The following NXPE2 variants were observed in gnomAD, a reference collection of about 807,000 sequenced individuals.
NXPE2 encodes the protein NXPE family member 2.
Under a neutral mutation model 34.4 loss-of-function variants are expected in NXPE2, and 34 were observed. That is an observed-to-expected ratio of 0.99 (90% CI 0.75 to 1.31). The LOEUF (loss-of-function observed/expected upper bound fraction) is 1.31, where lower values mean the gene tolerates loss of function less well. NXPE2 is among the 40% of genes most tolerant of loss of function. The probability of loss-of-function intolerance (pLI) is 0.00; values close to 1 mark genes in which losing one functional copy is unlikely to be tolerated. For synonymous variants in NXPE2, 235 were observed against 231.3 expected, an observed-to-expected ratio of 1.02 and a Z score of -0.15; for missense variants, 649 against 672.5, an observed-to-expected ratio of 0.97 and a Z score of 0.39.
At chr11:114,604,895 G>A in the NXPE2 span, among the ~76,000 whole-genome samples, 1 of 151,984 alleles carries the variant, frequency 6.6e-6, no homozygotes, top group African/African-American at 2.4e-5. Flanking sequence ...GGTAACCACT[G>A]TTACCCGGTG....
the NXPE2 span, among the ~76,000 whole-genome samples, chr11:114,729,082 A>G: frequency 6.6e-6 from 1 of 151,818 alleles, no homozygotes; most frequent in East Asian, 1.9e-4. Context: ...CTTCCTCCCT[A>G]TTCTAGTAGT....
At chr11:114,494,243 C>T in the NXPE2 span, among the ~76,000 whole-genome samples, 1 of 152,084 alleles carries the variant, frequency 6.6e-6, no homozygotes, top group Non-Finnish European at 1.5e-5. Flanking sequence ...GATATATTCC[C>T]TAGGTTTGGG....
downstream of NXPE2, chr11:114,707,522 G>A (rs1031179249): frequency 9.3e-5 from 29 of 312,214 alleles, no homozygotes; most frequent in Admixed American, 3.8e-4. Context: ...AGCCTCCCAC[G>A]TAGCTGGGAT....
rs1196799537 is a variant in NXPE2 at position 114,698,060 on chromosome 11, GA to G, written c.152del (p.Asn51ThrfsTer5). 2 of 1,513,830 alleles carry G rather than the reference GA, an allele frequency of 1.3e-6. No individual in the cohort carries two copies. Among genetic ancestry groups the G allele is most frequent in the Admixed American group, 4.4e-5 (2 of 45,356 alleles). The allele number at this position is 1,513,830 out of a possible 1,614,324, so 93.8% of individuals were successfully genotyped here. A position where few individuals can be genotyped will look rare whatever the true frequency, so the allele number is the denominator to read the frequency against. On this transcript the variant is annotated frameshift_variant, in exon 3 of 6. Transcript: ENST00000389586. LOFTEE classifies it high-confidence loss of function. Reference protein sequence around the residue: ...KDHTKFSFNLENHIILNQGNI... With the variant: ...KDHTKFSFNLXNHIILNQGNI... ...AATATTTCAGTTCTCGTTCAACTTG[GA>G]AAACCATATTATCCTGAACCAAGGG... is the stretch of plus-strand genomic sequence containing the variant.
At chr11:114,772,577 T>C in the NXPE2 span, among the ~76,000 whole-genome samples, 1 of 152,122 alleles carries the variant, frequency 6.6e-6, no homozygotes, top group Non-Finnish European at 1.5e-5. Context: ...CATGTAGGAC[T>C]CAAATAGTGA....
chr11:114,795,729 T>C, the NXPE2 span, among the ~76,000 whole-genome samples: 1 of 152,248 alleles, frequency 6.6e-6, no homozygotes, highest in Non-Finnish European at 1.5e-5. Context: ...TATCTATCTC[T>C]GGCCACCATG....
At chr11:114,723,013 A>T in the NXPE2 span, among the ~76,000 whole-genome samples, 1 of 152,238 alleles carries the variant, frequency 6.6e-6, no homozygotes, top group Non-Finnish European at 1.5e-5. Flanking sequence ...AACTATGCAT[A>T]TAAAGTTTGA....
the NXPE2 span, among the ~76,000 whole-genome samples, chr11:114,543,846 T>C: frequency 2.0e-5 from 3 of 152,282 alleles, no homozygotes; most frequent in Middle Eastern, 6.8e-3. Context: ...CCAAAGAATC[T>C]ATAGAAAATT....
At chr11:114,469,017 G>A in the NXPE2 span, among the ~76,000 whole-genome samples, 1 of 147,654 alleles carries the variant, frequency 6.8e-6, no homozygotes, top group East Asian at 2.1e-4. Context: ...AATGAAAATA[G>A]TTATAAAACT....
the NXPE2 span, among the ~76,000 whole-genome samples, chr11:114,802,911 AACG>A: frequency 1.3e-5 from 2 of 151,984 alleles, no homozygotes; most frequent in Non-Finnish European, 2.9e-5. Flanking sequence ...ATTAAAAAAA[AACG>A]GAGAATTAGG....
At chr11:114,650,015 TTC>T in the NXPE2 span, among the ~76,000 whole-genome samples, 1 of 152,214 alleles carries the variant, frequency 6.6e-6, no homozygotes. Context: ...CAATAAAGAT[TTC>T]TGTTTCTACA....
chr11:114,664,060 A>C, the NXPE2 span, among the ~76,000 whole-genome samples: 11 of 152,304 alleles, frequency 7.2e-5, no homozygotes, highest in African/African-American at 2.6e-4. Context: ...ACGTTCACAC[A>C]AAAGTTTATA....
chr11:114,600,531 A>G, the NXPE2 span, among the ~76,000 whole-genome samples: 1 of 152,116 alleles, frequency 6.6e-6, no homozygotes, highest in Non-Finnish European at 1.5e-5. Context: ...AAAATTTTGC[A>G]TAGAAAAAAA....
chr11:114,811,815 TC>T, the NXPE2 span, among the ~76,000 whole-genome samples: 1 of 152,170 alleles, frequency 6.6e-6, no homozygotes, highest in Non-Finnish European at 1.5e-5. Flanking sequence ...ATGGGTTGCA[TC>T]CTTAGCTCTG....
the NXPE2 span, among the ~76,000 whole-genome samples, chr11:114,524,892 T>C: frequency 1.3e-5 from 2 of 152,342 alleles, no homozygotes; most frequent in African/African-American, 4.8e-5. Flanking sequence ...GGATTCTGTA[T>C]ATCAGGCAAA....
chr11:114,494,807 T>C, the NXPE2 span, among the ~76,000 whole-genome samples: 1 of 152,332 alleles, frequency 6.6e-6, no homozygotes, highest in African/African-American at 2.4e-5. Flanking sequence ...TTTATTGTAG[T>C]CTTCATGGTC....
the NXPE2 span, among the ~76,000 whole-genome samples, chr11:114,538,008 C>T: frequency 6.6e-6 from 1 of 151,914 alleles, no homozygotes; most frequent in African/African-American, 2.4e-5. Flanking sequence ...TGGAGGCATC[C>T]CGCTACCTGA....
chr11:114,625,911 G>A, the NXPE2 span, among the ~76,000 whole-genome samples: 1 of 152,302 alleles, frequency 6.6e-6, no homozygotes, highest in Middle Eastern at 3.4e-3. Flanking sequence ...AGAAAGGGGT[G>A]ACAGACGGCA....
At chr11:114,559,385 T>C in the NXPE2 span, among the ~76,000 whole-genome samples, 17 of 152,304 alleles carry the variant, frequency 1.1e-4, no homozygotes, top group South Asian at 3.1e-3. Flanking sequence ...CCAAACAATG[T>C]CATACATAAA....
Sources: gnomAD v4.1 joint callset for allele counts (sites outside exome capture counted in the v4.1 genomes callset) on GRCh38, gnomAD v4.1.1 for gene constraint, MANE v1.5 for transcripts, NCBI Gene and HGNC (gene_info 2026-07-23, HGNC 2026-07-21) for gene names.